Variants in RBFOX1 observed in about 807,000 individuals in gnomAD.
RBFOX1 encodes the protein RNA binding fox-1 homolog 1.
Under a neutral mutation model 57.7 loss-of-function variants are expected in RBFOX1, and 8 were observed. The ratio of observed to expected loss-of-function variants is 0.14; its 90% CI spans 0.08 to 0.25. The LOEUF (loss-of-function observed/expected upper bound fraction) is 0.25, where lower values mean the gene tolerates loss of function less well. Among genes scored for constraint, RBFOX1 ranks in the 10% least tolerant of loss-of-function variants. RBFOX1 has a pLI of 1.00. For synonymous variants in RBFOX1, 326 were observed against 222.4 expected (o/e 1.47, Z -4.15); for missense variants, 611 against 548.5 (o/e 1.11, Z -1.14).
intron 3 of RBFOX1, among the ~76,000 whole-genome samples, chr16:5,811,496 G>T (rs1474936108): frequency 6.7e-6 from 1 of 149,468 alleles, no homozygotes; most frequent in Non-Finnish European, 1.5e-5. Flanking sequence ...CTGTCACCAG[G>T]CTGGAGTGCA....
At position 5,814,882 on chromosome 16, in the gene RBFOX1, T is replaced by C. The variant is rs185239123; in HGVS notation, c.319-52421T>C. ...AAGCGGAGCTTGCAGTGAGCCGAGATTGCGCCACTGCAGTCCGCAGTCCGG... is the reference window on the plus strand; with the variant it reads ...AAGCGGAGCTTGCAGTGAGCCGAGACTGCGCCACTGCAGTCCGCAGTCCGG... On this transcript the variant is annotated intron_variant, in intron 3 of 19. Coordinates refer to the RBFOX1 transcript ENST00000641259. Among the ~76,000 whole-genome samples, 830 of 152,190 alleles carry C rather than the reference T, an allele frequency of 5.5e-3. 3 individuals are homozygous for C. The highest frequency in any genetic ancestry group is 8.4e-3 in the Non-Finnish European group (568 of 68,010).
At chr16:7,160,322 G>A (rs776599281) in intron 4 of RBFOX1, among the ~76,000 whole-genome samples, 1 of 151,948 alleles carries the variant, frequency 6.6e-6, no homozygotes, top group African/African-American at 2.4e-5. Context: ...GACTTTGACT[G>A]CCTAGTGTGT....
At chr16:6,789,782 TTGAA>T (rs1243396362) in intron 3 of RBFOX1, among the ~76,000 whole-genome samples, 2 of 152,158 alleles carry the variant, frequency 1.3e-5, no homozygotes, top group Admixed American at 6.5e-5. Flanking sequence ...AATCTTCTGT[TTGAA>T]TGGTGATCCT....
chr16:5,446,382 A>G (rs748033065), intron 1 of RBFOX1, among the ~76,000 whole-genome samples: 2 of 152,208 alleles, frequency 1.3e-5, no homozygotes, highest in African/African-American at 4.8e-5. Context: ...GTTAGATTCA[A>G]ACATGCTCAC....
intron 4 of RBFOX1, among the ~76,000 whole-genome samples, chr16:7,179,282 C>G (rs976110816): frequency 2.0e-5 from 3 of 151,434 alleles, no homozygotes; most frequent in Non-Finnish European, 4.4e-5. Context: ...GAGTTCATGT[C>G]CATTGGAAGT....
chr16:5,500,018 G>A (rs890964476), intron 2 of RBFOX1, among the ~76,000 whole-genome samples: 1 of 151,948 alleles, frequency 6.6e-6, no homozygotes, highest in Non-Finnish European at 1.5e-5. Flanking sequence ...TCTCGCATTT[G>A]CCTAGATCTG....
At chr16:7,470,871 A>G (rs2061430865) in intron 4 of RBFOX1, among the ~76,000 whole-genome samples, 1 of 151,932 alleles carries the variant, frequency 6.6e-6, no homozygotes, top group African/African-American at 2.4e-5. Context: ...TAGAAAGAGT[A>G]GATCTCAGGG....
intron 3 of RBFOX1, among the ~76,000 whole-genome samples, chr16:6,945,956 T>C (rs1199660426): frequency 6.6e-6 from 1 of 152,206 alleles, no homozygotes; most frequent in Non-Finnish European, 1.5e-5. Context: ...TTTCAAGGCA[T>C]TCTGCCTCAA....
At chr16:7,700,490 G>GA (rs571013423) in intron 14 of RBFOX1, among the ~76,000 whole-genome samples, 113 of 152,290 alleles carry the variant, frequency 7.4e-4, no homozygotes, top group Middle Eastern at 3.4e-3. Flanking sequence ...GAAGGGTATT[G>GA]AAAATCTCAT....
chr16:5,424,985 T>TTC (rs771760761), intron 1 of RBFOX1, among the ~76,000 whole-genome samples: 2,777 of 31,348 alleles, frequency 0.089, 234 homozygotes, highest in East Asian at 0.33. Flanking sequence ...TTTCTTTTCT[T>TTC]TTCTTTTCTT....
At chr16:7,668,549 A>C (rs888416590) in intron 13 of RBFOX1, among the ~76,000 whole-genome samples, 1 of 152,068 alleles carries the variant, frequency 6.6e-6, no homozygotes, top group Non-Finnish European at 1.5e-5. Context: ...CACAGTGGAG[A>C]GGTGCAGGCA....
intron 2 of RBFOX1, 114 bp from the exon 3 acceptor site, chr16:6,654,489 C>A (rs781611101): frequency 2.5e-6 from 2 of 791,582 alleles, no homozygotes; most frequent in African/African-American, 3.6e-5. Flanking sequence ...CTATTAGGAG[C>A]ATGAGCTCTT....
intron 10 of RBFOX1, among the ~76,000 whole-genome samples, chr16:7,612,137 C>A (rs918496745): frequency 6.6e-6 from 1 of 151,646 alleles, no homozygotes; most frequent in Non-Finnish European, 1.5e-5. Context: ...CTGGCTAACA[C>A]GATGAAACCC....
chr16:7,405,675 A>T (rs1414738324), intron 4 of RBFOX1, among the ~76,000 whole-genome samples: 2 of 152,132 alleles, frequency 1.3e-5, no homozygotes, highest in Admixed American at 6.5e-5. Context: ...CCAGGCTGCA[A>T]CTCAGGTCCC....
chr16:5,957,451 C>T (rs1029967073), intron 4 of RBFOX1, among the ~76,000 whole-genome samples: 3 of 152,130 alleles, frequency 2.0e-5, no homozygotes, highest in African/African-American at 7.2e-5. Context: ...TCTTGAACCC[C>T]TCACCTCAAG....
chr16:6,753,601 C>T (rs2075313939), intron 3 of RBFOX1, among the ~76,000 whole-genome samples: 2 of 152,138 alleles, frequency 1.3e-5, no homozygotes, highest in Non-Finnish European at 2.9e-5. Flanking sequence ...TCATCAACTC[C>T]TGTAAGTAGA....
At chr16:5,552,172 A>G (rs2045491618) in intron 2 of RBFOX1, among the ~76,000 whole-genome samples, 1 of 152,146 alleles carries the variant, frequency 6.6e-6, no homozygotes, top group Non-Finnish European at 1.5e-5. Flanking sequence ...TCTCAGCATC[A>G]AAGGAGTGCA....
In RBFOX1 at chr16:6,086,664, C is replaced by T. The variant is rs76122604; in HGVS notation, c.-127+66672C>T. 6.7e-3 allele frequency among the ~76,000 whole-genome samples: 1,026 copies of T among 152,290 alleles called. 32 individuals are homozygous for T. The highest frequency in any genetic ancestry group is 0.042 in the Admixed American group (638 of 15,292). The stretch of plus-strand genomic sequence containing the variant: ...GAACTCATATCAGGGAGATGATTTA[C>T]TGTTTCTCAATAAAAGATGGAGTTT... On this transcript the variant is annotated intron_variant, in intron 1 of 15. Transcript: ENST00000550418.
rs2061814354 is a variant in RBFOX1, at chr16:6,876,186, A to G, written c.-15-175871A>G. Reference sequence around the variant, plus strand: ...CAACAGAGGGTGAAGGACCCTCTCAAAAAAAACAAAGCAAAGCAAAACAAA... The same window carrying G: ...CAACAGAGGGTGAAGGACCCTCTCAGAAAAAACAAAGCAAAGCAAAACAAA... On this transcript the variant is annotated intron_variant, in intron 3 of 15. Coordinates refer to ENST00000550418, the MANE Select transcript of RBFOX1 (RefSeq NM_018723.4). Among the ~76,000 whole-genome samples, 4 of 152,036 alleles carry G rather than the reference A, an allele frequency of 2.6e-5. No individual in the cohort carries two copies. The South Asian group carries it at 8.3e-4, about 32-fold the overall frequency.
Sources: allele counts gnomAD v4.1 joint callset (sites outside exome capture counted in the v4.1 genomes callset), GRCh38; gene constraint gnomAD v4.1.1; transcripts MANE v1.5; gene names NCBI Gene and HGNC (gene_info 2026-07-23, HGNC 2026-07-21).